The following PTPN4 variants were observed in gnomAD, a reference collection of about 807,000 sequenced individuals.
PTPN4 encodes the protein protein tyrosine phosphatase non-receptor type 4.
In PTPN4, 49 loss-of-function variants were observed where a neutral mutation model predicts 135.5. That is an observed-to-expected ratio of 0.36 (90% CI 0.29 to 0.46). The LOEUF (loss-of-function observed/expected upper bound fraction) is 0.46, where lower values mean the gene tolerates loss of function less well. Among genes scored for constraint, PTPN4 ranks in the 20% least tolerant of loss-of-function variants. PTPN4 has a pLI of 1.00. For synonymous variants in PTPN4, 333 were observed against 369.9 expected, an observed-to-expected ratio of 0.90 and a Z score of 1.14; for missense variants, 860 against 1,101.0, an observed-to-expected ratio of 0.78 and a Z score of 3.10.
chr2:119,799,993 A>G (rs938677533), intron 1 of PTPN4, among the ~76,000 whole-genome samples: 2 of 152,232 alleles, frequency 1.3e-5, no homozygotes, highest in Admixed American at 1.3e-4. Flanking sequence ...CATATAGAAG[A>G]TAAAATAGAA....
intron 1 of PTPN4, among the ~76,000 whole-genome samples, chr2:119,775,494 C>T (rs1487221384): frequency 6.6e-5 from 10 of 152,190 alleles, no homozygotes; most frequent in South Asian, 2.1e-4. Flanking sequence ...GTGGTCTGCG[C>T]GCTCTTCCAA....
chr2:119,805,531 C>G (rs946614696), intron 1 of PTPN4, among the ~76,000 whole-genome samples: 4 of 152,124 alleles, frequency 2.6e-5, no homozygotes, highest in Non-Finnish European at 4.4e-5. Context: ...TTCCCAGCAC[C>G]ATTTATTAAA....
At chr2:119,820,031 T>G (rs953005709) in intron 2 of PTPN4, among the ~76,000 whole-genome samples, 4 of 152,088 alleles carry the variant, frequency 2.6e-5, no homozygotes, top group Non-Finnish European at 4.4e-5. Context: ...CCACCTAATT[T>G]AAAAAATTCT....
intron 1 of PTPN4, among the ~76,000 whole-genome samples, chr2:119,774,399 A>T (rs557636139): frequency 1.1e-4 from 16 of 152,358 alleles, no homozygotes; most frequent in African/African-American, 3.8e-4. Flanking sequence ...TTTAAAAGAA[A>T]TCTGTGAAGC....
At chr2:119,801,635 C>T (rs1487493393) in intron 1 of PTPN4, among the ~76,000 whole-genome samples, 1 of 151,998 alleles carries the variant, frequency 6.6e-6, no homozygotes, top group Non-Finnish European at 1.5e-5. Context: ...TAGATTTACA[C>T]CTAAGTATTT....
intron 18 of PTPN4, among the ~76,000 whole-genome samples, chr2:119,949,222 A>G (rs1558772394): frequency 6.6e-6 from 1 of 152,182 alleles, no homozygotes; most frequent in Non-Finnish European, 1.5e-5. Context: ...TGGAATTTAG[A>G]GCAAATTAAA....
intron 10 of PTPN4, among the ~76,000 whole-genome samples, chr2:119,907,299 G>T (rs1678504039): frequency 6.6e-6 from 1 of 152,090 alleles, no homozygotes; most frequent in Non-Finnish European, 1.5e-5. Context: ...AGAAAAAGCA[G>T]TTTCAAAATT....
At chr2:119,770,357 G>T (rs1345214097) in intron 1 of PTPN4, among the ~76,000 whole-genome samples, 1 of 152,074 alleles carries the variant, frequency 6.6e-6, no homozygotes, top group Admixed American at 6.5e-5. Flanking sequence ...TTTTAAAATT[G>T]TATTTAAATT....
intron 1 of PTPN4, among the ~76,000 whole-genome samples, chr2:119,801,152 G>A (rs1259941436): frequency 2.6e-5 from 4 of 152,136 alleles, no homozygotes; most frequent in South Asian, 2.1e-4. Flanking sequence ...GCAGTGGCAC[G>A]ATCTTGGTTC....
At chr2:119,844,684 C>G (rs1047900619) in intron 2 of PTPN4, among the ~76,000 whole-genome samples, 5 of 151,172 alleles carry the variant, frequency 3.3e-5, no homozygotes, top group Non-Finnish European at 5.9e-5. Context: ...TCCTCACTTC[C>G]TAGATGTGAT....
At chr2:119,785,387 G>A (rs2104931525) in intron 1 of PTPN4, among the ~76,000 whole-genome samples, 1 of 152,316 alleles carries the variant, frequency 6.6e-6, no homozygotes, top group African/African-American at 2.4e-5. Flanking sequence ...ACACTTAAGT[G>A]AGAGAAATGC....
At chr2:119,827,009 C>T (rs911346064) in intron 2 of PTPN4, among the ~76,000 whole-genome samples, 3 of 152,186 alleles carry the variant, frequency 2.0e-5, no homozygotes, top group African/African-American at 7.2e-5. Context: ...ACCTGGACAA[C>T]AGAGTGAGAC....
chr2:119,956,798 T>C (rs994199792), intron 20 of PTPN4, 46 bp from the exon 21 acceptor site: 4 of 1,577,042 alleles, frequency 2.5e-6, no homozygotes, highest in Non-Finnish European at 3.4e-6. Flanking sequence ...AAAGAGAAAT[T>C]GTTTATGGCT....
chr2:119,860,783 G>A, intron 2 of PTPN4, among the ~76,000 whole-genome samples: 1 of 152,162 alleles, frequency 6.6e-6, no homozygotes, highest in African/African-American at 2.4e-5. Flanking sequence ...GCTCACATCT[G>A]TAATCCCAGC....
intron 2 of PTPN4, among the ~76,000 whole-genome samples, chr2:119,823,875 G>A (rs760941624): frequency 2.2e-4 from 34 of 152,090 alleles, no homozygotes; most frequent in Non-Finnish European, 2.9e-5. Flanking sequence ...TTGTTTTATG[G>A]TAAACTCACT....
chr2:119,832,365 A>C (rs1677231498), intron 2 of PTPN4, among the ~76,000 whole-genome samples: 1 of 152,154 alleles, frequency 6.6e-6, no homozygotes, highest in Non-Finnish European at 1.5e-5. Context: ...CTGTCTGTCA[A>C]AAAGAGGAGT....
chr2:119,832,203 G>A (rs1032623763), intron 2 of PTPN4, among the ~76,000 whole-genome samples: 6 of 152,268 alleles, frequency 3.9e-5, no homozygotes, highest in African/African-American at 1.4e-4. Flanking sequence ...TTACTAGGTA[G>A]GCTCCCTGGT....
rs1260261575 is a variant in PTPN4, at chr2:119,908,151, A to G, written c.765-7028A>G. On this transcript the variant is annotated intron_variant, in intron 10 of 26. Coordinates refer to ENST00000263708, the MANE Select transcript of PTPN4 (RefSeq NM_002830.4). ...TAGCAAAGGAAACAATCGACAGAGT[A>G]TAGAGACAACCTATAGAACTGGAGA... Among the ~76,000 whole-genome samples the G allele has an allele frequency of 2.0e-5, 3 of 152,218 alleles. No individual in the cohort carries two copies. The East Asian group carries it at 5.8e-4, about 29-fold the overall frequency.
intron 9 of PTPN4, among the ~76,000 whole-genome samples, chr2:119,887,458 G>T (rs1460587108): frequency 6.6e-6 from 1 of 152,172 alleles, no homozygotes; most frequent in Non-Finnish European, 1.5e-5. Context: ...CTTCACTCCA[G>T]CTGGGGTGTC....
Sources: allele counts gnomAD v4.1 joint callset (sites outside exome capture counted in the v4.1 genomes callset), GRCh38; gene constraint gnomAD v4.1.1; transcripts MANE v1.5; gene names NCBI Gene and HGNC (gene_info 2026-07-23, HGNC 2026-07-21).